ZNRF1: variants seen among roughly 807,000 people sequenced by gnomAD.
ZNRF1 encodes zinc and ring finger 1.
ZNRF1 carries 3 observed loss-of-function variants against 18.4 expected under a neutral mutation model. The ratio of observed to expected loss-of-function variants is 0.16; its 90% CI spans 0.07 to 0.42. The LOEUF is 0.42. Ranked by LOEUF, ZNRF1 falls within the 10% of genes least tolerant of loss-of-function variation. The pLI, the probability that ZNRF1 is intolerant of heterozygous loss-of-function variation, is 0.99. For missense variants in ZNRF1, 310 were observed against 329.8 expected (o/e 0.94, Z 0.47); for synonymous variants, 157 against 144.2 (o/e 1.09, Z -0.64).
intron 1 of ZNRF1, among the ~76,000 whole-genome samples, chr16:75,059,564 C>A (rs943407422): frequency 1.3e-5 from 2 of 152,056 alleles, no homozygotes; most frequent in East Asian, 3.9e-4. Flanking sequence ...CATCTTCTTA[C>A]TTTTGTTTGT....
At chr16:75,057,721 C>G (rs938662307) in intron 1 of ZNRF1, among the ~76,000 whole-genome samples, 1 of 152,168 alleles carries the variant, frequency 6.6e-6, no homozygotes, top group South Asian at 2.1e-4. Context: ...CTGCAACTTC[C>G]GTCTCCCGGG....
intron 1 of ZNRF1, among the ~76,000 whole-genome samples, chr16:75,025,666 G>A (rs1023080386): frequency 1.3e-5 from 2 of 152,144 alleles, no homozygotes; most frequent in African/African-American, 4.8e-5. Flanking sequence ...AGGACATTTC[G>A]TAAGAGGGGA....
intron 1 of ZNRF1, among the ~76,000 whole-genome samples, chr16:75,075,084 A>G (rs1356829584): frequency 3.5e-5 from 3 of 86,916 alleles, no homozygotes; most frequent in African/African-American, 4.6e-5. Flanking sequence ...ATCTCTGGGC[A>G]CTTCCAGGTG....
At chr16:75,079,990 G>A (rs1441428177) in intron 1 of ZNRF1, among the ~76,000 whole-genome samples, 4 of 152,204 alleles carry the variant, frequency 2.6e-5, no homozygotes, top group African/African-American at 7.2e-5. Flanking sequence ...AGCTTGGCTC[G>A]CTGCAACCTC....
At chr16:75,096,870 A>C (rs2036206105) in intron 2 of ZNRF1, among the ~76,000 whole-genome samples, 1 of 152,140 alleles carries the variant, frequency 6.6e-6, no homozygotes, top group Non-Finnish European at 1.5e-5. Flanking sequence ...CAACTTAGGA[A>C]AGGCGAGACT....
At chr16:75,061,768 CT>C (rs1405370022) in intron 1 of ZNRF1, among the ~76,000 whole-genome samples, 3 of 152,208 alleles carry the variant, frequency 2.0e-5, no homozygotes, top group African/African-American at 7.2e-5. Flanking sequence ...CACAGTATGA[CT>C]TTCACTCCTT....
At chr16:75,100,358 G>A (rs1292154158) in intron 2 of ZNRF1, among the ~76,000 whole-genome samples, 1 of 152,192 alleles carries the variant, frequency 6.6e-6, no homozygotes, top group African/African-American at 2.4e-5. Context: ...TCCGCCCCAG[G>A]ACAAGAAGAA....
intron 2 of ZNRF1, among the ~76,000 whole-genome samples, chr16:75,096,299 C>T (rs1180993825): frequency 6.6e-6 from 1 of 152,124 alleles, no homozygotes; most frequent in African/African-American, 2.4e-5. Context: ...CAGTCTTTGT[C>T]TTTTCTGAAG....
At chr16:75,020,600 G>T (rs944675638) in intron 1 of ZNRF1, among the ~76,000 whole-genome samples, 1 of 151,310 alleles carries the variant, frequency 6.6e-6, no homozygotes, top group Non-Finnish European at 1.5e-5. Context: ...GGAGTTCAGT[G>T]GCGCGATCTT....
At chr16:75,049,053 G>A (rs535241388) in intron 1 of ZNRF1, among the ~76,000 whole-genome samples, 2 of 150,242 alleles carry the variant, frequency 1.3e-5, no homozygotes, top group African/African-American at 4.9e-5. Flanking sequence ...CACCCAGGCT[G>A]GAATGCAATG....
chr16:75,076,790 G>A (rs894034010), intron 1 of ZNRF1, among the ~76,000 whole-genome samples: 8 of 151,508 alleles, frequency 5.3e-5, no homozygotes, highest in Admixed American at 4.6e-4. Flanking sequence ...AGAAGAGGTC[G>A]TGAGTGTGGT....
chr16:75,110,860 T>A lies in ZNRF1; in HGVS notation c.*3160T>A, dbSNP rs933530794. 2 of 152,126 alleles carry A rather than the reference T, an allele frequency of 1.3e-5. No homozygotes were observed. Among genetic ancestry groups the A allele is most frequent in the South Asian group, 2.1e-4 (1 of 4,802 alleles). 9.4% of individuals were successfully genotyped at this position (152,126 alleles called of 1,614,324 possible). Reference sequence around the variant, plus strand: ...GCTGGAAGGGGAGGGGCGAGAGGGCTGTCTCGGTGATGAGCACACGCGTGC... The same window carrying A: ...GCTGGAAGGGGAGGGGCGAGAGGGCAGTCTCGGTGATGAGCACACGCGTGC... On this transcript the variant is annotated 3_prime_UTR_variant, in exon 5 of 5. Coordinates refer to ENST00000335325, the MANE Select transcript of ZNRF1 (RefSeq NM_032268.5).
chr16:75,059,159 C>G (rs913070156), intron 1 of ZNRF1, among the ~76,000 whole-genome samples: 5 of 151,962 alleles, frequency 3.3e-5, no homozygotes, highest in South Asian at 2.1e-4. Flanking sequence ...TAGGCTTGGC[C>G]CCAGATATCT....
At chr16:75,025,976 A>G (rs1280642540) in intron 1 of ZNRF1, among the ~76,000 whole-genome samples, 1 of 152,182 alleles carries the variant, frequency 6.6e-6, no homozygotes, top group Non-Finnish European at 1.5e-5. Context: ...GGGTGCTGCC[A>G]ACAGAAACCG....
chr16:75,096,063 T>TGC (rs2036196045), intron 2 of ZNRF1, among the ~76,000 whole-genome samples: 1 of 97,750 alleles, frequency 1.0e-5, no homozygotes, highest in Non-Finnish European at 1.9e-5. Flanking sequence ...TGTGTGCACG[T>TGC]GTGTGTGTGT....
Position 75,040,042 on chromosome 16 carries a change from C to CTTTTTTTTTTTTTTTTTTTT in ZNRF1, c.424+39954_424+39973dup, listed in dbSNP as rs57122648. Among the ~76,000 whole-genome samples the CTTTTTTTTTTTTTTTTTTTT allele has an allele frequency of 6.0e-4, 47 of 78,850 alleles. 1 individual carries two copies. The highest frequency in any genetic ancestry group is 9.3e-4 in the Admixed American group (5 of 5,382). The allele number at this position is 78,850 out of a possible 152,430, so 51.7% of individuals were successfully genotyped here. A position where few individuals can be genotyped will look rare whatever the true frequency, so the allele number is the denominator to read the frequency against. On this transcript the variant is annotated intron_variant, in intron 1 of 4. Transcript: ENST00000335325. Reference sequence around the variant, plus strand: ...AATCTTTTGTTTCTTTCTTTTCTTTCTTTTTTTTTTTTTTTTTTTTTTTTT... The same window carrying CTTTTTTTTTTTTTTTTTTTT: ...AATCTTTTGTTTCTTTCTTTTCTTTCTTTTTTTTTTTTTTTTTTTTTTTTTTTTTTTTTTTTTTTTTTTTT...
chr16:75,012,488 A>G lies in ZNRF1; in HGVS notation c.424+12393A>G, dbSNP rs118027298. ...GGCACTGATCATGGCACACTTTACA[A>G]AAAGTGGATTCATATAAGGTCGTCT... On this transcript the variant is annotated intron_variant, in intron 1 of 4. Coordinates refer to ENST00000335325, the MANE Select transcript of ZNRF1 (RefSeq NM_032268.5). Among the ~76,000 whole-genome samples, 1,116 of 152,282 alleles carry G rather than the reference A, an allele frequency of 7.3e-3. 9 individuals carry two copies. Among genetic ancestry groups the G allele is most frequent in the Non-Finnish European group, 0.012 (825 of 68,032 alleles).
chr16:75,053,811 A>G (rs879919394), intron 1 of ZNRF1, among the ~76,000 whole-genome samples: 1 of 152,112 alleles, frequency 6.6e-6, no homozygotes, highest in Admixed American at 6.5e-5. Flanking sequence ...CATTTTGGAG[A>G]AAGTCTAGAC....
chr16:75,079,537 G>A (rs1353023123), intron 1 of ZNRF1, among the ~76,000 whole-genome samples: 1 of 152,066 alleles, frequency 6.6e-6, no homozygotes, highest in East Asian at 1.9e-4. Context: ...CAGCTGTCTA[G>A]AGTCTTTGCA....
Sources: allele counts gnomAD v4.1 joint callset (sites outside exome capture counted in the v4.1 genomes callset), GRCh38; gene constraint gnomAD v4.1.1; transcripts MANE v1.5; gene names NCBI Gene and HGNC (gene_info 2026-07-23, HGNC 2026-07-21).